The following EIF2B3 variants were observed in gnomAD, a reference collection of about 807,000 sequenced individuals.
The protein encoded by EIF2B3 is eukaryotic translation initiation factor 2B subunit gamma, also known as translation initiation factor eIF2B subunit gamma.
EIF2B3 carries 20 observed loss-of-function variants against 54.1 expected under a neutral mutation model. The ratio of observed to expected loss-of-function variants is 0.37; its 90% CI spans 0.26 to 0.54. EIF2B3 has a LOEUF of 0.54. EIF2B3 is among the 20% of genes least tolerant of loss of function. The probability of loss-of-function intolerance (pLI) is 0.86; values close to 1 mark genes in which losing one functional copy is unlikely to be tolerated. For synonymous variants in EIF2B3, 153 were observed against 188.1 expected (o/e 0.81, Z 1.52); for missense variants, 448 against 547.8 (o/e 0.82, Z 1.82).
At chr1:44,873,643 A>T (rs1479994037) in intron 10 of EIF2B3, among the ~76,000 whole-genome samples, 1 of 150,886 alleles carries the variant, frequency 6.6e-6, no homozygotes, top group Non-Finnish European at 1.5e-5. Context: ...TTTTTTATTT[A>T]TTTATTTTTT....
intron 3 of EIF2B3, among the ~76,000 whole-genome samples, chr1:44,944,643 A>AT (rs1491175796): frequency 6.6e-6 from 1 of 152,120 alleles, no homozygotes; most frequent in Non-Finnish European, 1.5e-5. Flanking sequence ...TACATAAAAC[A>AT]TTTTTTAAAT....
chr1:44,972,060 A>T (rs954686076), intron 3 of EIF2B3, among the ~76,000 whole-genome samples: 4 of 151,646 alleles, frequency 2.6e-5, no homozygotes, highest in African/African-American at 9.7e-5. Context: ...AAACAAAAAT[A>T]AGCAGAAAAT....
At chr1:44,960,622 A>G (rs887164915) in intron 3 of EIF2B3, among the ~76,000 whole-genome samples, 2 of 152,084 alleles carry the variant, frequency 1.3e-5, no homozygotes, top group African/African-American at 4.8e-5. Flanking sequence ...TGGGCAACAC[A>G]GCGAGACCCC....
chr1:44,880,076 C>A, intron 7 of EIF2B3, 68 bp from the exon 8 acceptor site: 2 of 1,558,132 alleles, frequency 1.3e-6, no homozygotes, highest in South Asian at 2.3e-5. Context: ...CAGACTCAGT[C>A]AAGTTGTTTT....
chr1:44,859,758 A>C (rs541552874), intron 10 of EIF2B3, among the ~76,000 whole-genome samples: 1 of 152,272 alleles, frequency 6.6e-6, no homozygotes, highest in East Asian at 1.9e-4. Context: ...CTCTCTGTAC[A>C]TTATAGGACT....
At chr1:44,974,309 C>T (rs1303294180) in intron 3 of EIF2B3, among the ~76,000 whole-genome samples, 1 of 150,984 alleles carries the variant, frequency 6.6e-6, no homozygotes, top group Non-Finnish European at 1.5e-5. Flanking sequence ...GATCCTTTCT[C>T]TCTATATATA....
intron 3 of EIF2B3, among the ~76,000 whole-genome samples, chr1:44,974,338 T>C (rs1410511982): frequency 6.6e-6 from 1 of 151,576 alleles, no homozygotes; most frequent in African/African-American, 2.4e-5. Context: ...CCAGGTGTGG[T>C]GGTGCATGCC....
intron 5 of EIF2B3, among the ~76,000 whole-genome samples, chr1:44,900,977 C>A (rs1270083844): frequency 6.6e-6 from 1 of 151,878 alleles, no homozygotes; most frequent in Non-Finnish European, 1.5e-5. Context: ...TCTTTCTTTT[C>A]TCAGAGACAG....
At chr1:44,906,746 A>G (rs1442864112) in intron 5 of EIF2B3, among the ~76,000 whole-genome samples, 1 of 152,196 alleles carries the variant, frequency 6.6e-6, no homozygotes, top group East Asian at 1.9e-4. Flanking sequence ...CCCACCCTTG[A>G]GGTTCAACAG....
chr1:44,873,944 C>T (rs1397543019), intron 10 of EIF2B3, among the ~76,000 whole-genome samples: 3 of 151,894 alleles, frequency 2.0e-5, no homozygotes, highest in Non-Finnish European at 4.4e-5. Flanking sequence ...GCCACTGTGC[C>T]GGGCCAGAAG....
At chr1:44,976,311 G>C (rs1047618074) in intron 3 of EIF2B3, among the ~76,000 whole-genome samples, 11 of 152,110 alleles carry the variant, frequency 7.2e-5, no homozygotes, top group Non-Finnish European at 1.6e-4. Context: ...GACACTTCAT[G>C]AACATATATA....
At chr1:44,964,131 C>A (rs201060462) in intron 3 of EIF2B3, among the ~76,000 whole-genome samples, 25 of 131,710 alleles carry the variant, frequency 1.9e-4, no homozygotes, top group Non-Finnish European at 1.8e-4. Flanking sequence ...ATTTCTTGGC[C>A]AAAAAAAAAA....
intron 3 of EIF2B3, among the ~76,000 whole-genome samples, chr1:44,956,292 C>T (rs1200900538): frequency 6.6e-6 from 1 of 152,038 alleles, no homozygotes; most frequent in African/African-American, 2.4e-5. Context: ...CATGTTCTCA[C>T]TCATAAGTGG....
intron 5 of EIF2B3, among the ~76,000 whole-genome samples, chr1:44,919,072 G>A (rs1254940231): frequency 6.6e-6 from 1 of 152,138 alleles, no homozygotes; most frequent in Non-Finnish European, 1.5e-5. Context: ...TACAGGCCGG[G>A]CTCAGTGGCT....
intron 3 of EIF2B3, among the ~76,000 whole-genome samples, chr1:44,951,299 T>C (rs1220224776): frequency 6.6e-6 from 1 of 152,094 alleles, no homozygotes; most frequent in African/African-American, 2.4e-5. Flanking sequence ...CAAACAAAAA[T>C]CCCTGACCTC....
At chr1:44,858,785 A>G (rs1401206218) in intron 10 of EIF2B3, among the ~76,000 whole-genome samples, 1 of 151,802 alleles carries the variant, frequency 6.6e-6, no homozygotes, top group Non-Finnish European at 1.5e-5. Context: ...TTTCAGAGAT[A>G]AGGTATCATT....
chr1:44,932,981 TG>T, intron 4 of EIF2B3, among the ~76,000 whole-genome samples: 1 of 152,126 alleles, frequency 6.6e-6, no homozygotes, highest in East Asian at 1.9e-4. Context: ...GTTCAAGATA[TG>T]ACAGTGAAGG....
At chr1:44,981,388 T>C (rs2148965925) in intron 1 of EIF2B3, among the ~76,000 whole-genome samples, 1 of 152,134 alleles carries the variant, frequency 6.6e-6, no homozygotes, top group Non-Finnish European at 1.5e-5. Flanking sequence ...TTGGTAAAAG[T>C]GGGAGGATAG....
chr1:44,882,151 A>C (rs901162477), intron 6 of EIF2B3, among the ~76,000 whole-genome samples: 2 of 152,244 alleles, frequency 1.3e-5, no homozygotes, highest in African/African-American at 4.8e-5. Flanking sequence ...TATGCGAGTT[A>C]CTGTGCTAGG....
Sources: gnomAD v4.1 joint callset for allele counts (sites outside exome capture counted in the v4.1 genomes callset) on GRCh38, gnomAD v4.1.1 for gene constraint, MANE v1.5 for transcripts, NCBI Gene and HGNC (gene_info 2026-07-23, HGNC 2026-07-21) for gene names.